The following SLC7A2 variants were observed in gnomAD, a reference collection of about 807,000 sequenced individuals.
The protein encoded by SLC7A2 is cationic amino acid transporter 2.
In SLC7A2, 48 loss-of-function variants were observed where a neutral mutation model predicts 58.9. The observed-to-expected ratio is 0.82, with a 90% CI of 0.65 to 1.04. SLC7A2 has a LOEUF of 1.04. Among genes scored for constraint, SLC7A2 ranks in the 50% least tolerant of loss-of-function variants. SLC7A2 has a pLI of 0.00. For synonymous variants in SLC7A2, 363 were observed against 314.5 expected (o/e 1.15, Z -1.63); for missense variants, 1,029 against 818.8 (o/e 1.26, Z -3.13).
chr8:17,516,232 AAT>A (rs1491472956), intron 2 of SLC7A2, among the ~76,000 whole-genome samples: 1 of 66,332 alleles, frequency 1.5e-5, no homozygotes, highest in Non-Finnish European at 3.8e-5. Flanking sequence ...TTAATTAATT[AAT>A]TTTTTTTTTG....
intron 4 of SLC7A2, among the ~76,000 whole-genome samples, chr8:17,547,767 T>G (rs1802242570): frequency 6.8e-6 from 1 of 147,040 alleles, no homozygotes; most frequent in Non-Finnish European, 1.5e-5. Flanking sequence ...TGAGATTATA[T>G]ATTTACTGGC....
At chr8:17,539,637 G>A (rs1239791635) in intron 2 of SLC7A2, among the ~76,000 whole-genome samples, 2 of 152,128 alleles carry the variant, frequency 1.3e-5, no homozygotes, top group African/African-American at 2.4e-5. Flanking sequence ...TGTGAGTTTT[G>A]TATGGGCCAC....
chr8:17,495,250 AT>A (rs1005463455), upstream of SLC7A2, among the ~76,000 whole-genome samples: 20 of 151,842 alleles, frequency 1.3e-4, no homozygotes, highest in East Asian at 2.3e-3. Context: ...AGGAATCTCT[AT>A]TTTTTTTAAA....
At chr8:17,496,489 G>A (rs557794934), upstream of SLC7A2, among the ~76,000 whole-genome samples, 117 of 152,262 alleles carry the variant, frequency 7.7e-4, 6 homozygotes, top group South Asian at 0.023. Context: ...GAGAAACCCT[G>A]ATTGTGTAAC....
At chr8:17,513,160 T>G (rs532716758) in intron 2 of SLC7A2, among the ~76,000 whole-genome samples, 1 of 152,192 alleles carries the variant, frequency 6.6e-6, no homozygotes, top group African/African-American at 2.4e-5. Context: ...TCAGTTTTTT[T>G]GGTCATATAA....
At position 17,567,079 on chromosome 8, in the gene SLC7A2, A is replaced by T. The variant is rs1170042260; in HGVS notation, c.*1933A>T. The T allele has an allele frequency of 6.6e-6, 1 of 152,638 alleles. No individual in the cohort carries two copies. Among genetic ancestry groups the T allele is most frequent in the Non-Finnish European group, 1.5e-5 (1 of 68,042 alleles). 9.5% of individuals were successfully genotyped at this position (152,638 alleles called of 1,614,324 possible). ...ACACAGAACTCATTACGGACATTCCACAACTTCCAGGGTGCACATGGTAAA... is the reference window on the plus strand; with the variant it reads ...ACACAGAACTCATTACGGACATTCCTCAACTTCCAGGGTGCACATGGTAAA... On this transcript the variant is annotated 3_prime_UTR_variant, in exon 13 of 13. Coordinates refer to ENST00000494857, the MANE Select transcript of SLC7A2 (RefSeq NM_001370338.1).
intron 2 of SLC7A2, among the ~76,000 whole-genome samples, chr8:17,516,880 A>G (rs1800825779): frequency 6.6e-6 from 1 of 152,234 alleles, no homozygotes; most frequent in Non-Finnish European, 1.5e-5. Context: ...GGTATTTGGG[A>G]TAAACCAGTG....
At chr8:17,517,022 G>A (rs1800831161) in intron 2 of SLC7A2, among the ~76,000 whole-genome samples, 2 of 152,194 alleles carry the variant, frequency 1.3e-5, no homozygotes, top group Admixed American at 1.3e-4. Flanking sequence ...TGCAGAAGCA[G>A]GCTTGTGCTG....
intron 7 of SLC7A2, among the ~76,000 whole-genome samples, chr8:17,554,339 C>G (rs564152803): frequency 6.6e-6 from 1 of 152,138 alleles, no homozygotes; most frequent in East Asian, 1.9e-4. Flanking sequence ...GCGTACTTAT[C>G]TGTAACAGAA....
In SLC7A2 at chr8:17,569,515, A is replaced by C. The variant is rs757787384; in HGVS notation, c.*4369A>C. The C allele has an allele frequency of 2.0e-5, 3 of 152,186 alleles. No individual in the cohort carries two copies. The highest frequency in any genetic ancestry group is 4.4e-5 in the Non-Finnish European group (3 of 68,028). 9.4% of individuals were successfully genotyped at this position (152,186 alleles called of 1,614,324 possible). Reference sequence around the variant, plus strand: ...GTCATATAGATATGAAAATAAGTTCATATAGATATGAAATTGCTTGACTTT... The same window carrying C: ...GTCATATAGATATGAAAATAAGTTCCTATAGATATGAAATTGCTTGACTTT... On this transcript the variant is annotated 3_prime_UTR_variant, in exon 13 of 13. Transcript: ENST00000494857.
At chr8:17,536,698 G>A (rs747643112) in intron 2 of SLC7A2, among the ~76,000 whole-genome samples, 1 of 152,144 alleles carries the variant, frequency 6.6e-6, no homozygotes, top group Non-Finnish European at 1.5e-5. Context: ...ATTCTATCAC[G>A]GAAACCTCCT....
In SLC7A2 at chr8:17,569,283, G is replaced by C. The variant is rs1563494534; in HGVS notation, c.*4137G>C. 2 of 152,166 alleles carry C rather than the reference G, an allele frequency of 1.3e-5. No individual in the cohort carries two copies. Among genetic ancestry groups the C allele is most frequent in the Non-Finnish European group, 1.5e-5 (1 of 68,022 alleles). 9.4% of individuals were successfully genotyped at this position (152,166 alleles called of 1,614,324 possible). A position where few individuals can be genotyped will look rare whatever the true frequency, so the allele number is the denominator to read the frequency against. ...AATACAGTTTCCGCAGGGCTTTAAA[G>C]GATTGAGTTTAGCATGTATATCATG... On this transcript the variant is annotated 3_prime_UTR_variant, in exon 13 of 13. Coordinates refer to ENST00000494857, the MANE Select transcript of SLC7A2 (RefSeq NM_001370338.1).
chr8:17,503,292 TG>T, intron 2 of SLC7A2, among the ~76,000 whole-genome samples: 1 of 152,062 alleles, frequency 6.6e-6, no homozygotes, highest in Admixed American at 6.6e-5. Flanking sequence ...CCTCATGATC[TG>T]CCCGCCTCGG....
At position 17,548,825 on chromosome 8, in the gene SLC7A2, A is replaced by C; in HGVS notation, c.680A>C (p.Asn227Thr). 1 of 1,607,396 alleles carries C rather than the reference A, an allele frequency of 6.2e-7. No homozygotes were observed. Among genetic ancestry groups the C allele is most frequent in the Non-Finnish European group, 8.5e-7 (1 of 1,178,586 alleles). ...AAGATTAGTGAAGAGTTTCTCAAAAATATATCAGCAAGTGCCAGGTAAAAT... is the reference window on the plus strand; with the variant it reads ...AAGATTAGTGAAGAGTTTCTCAAAACTATATCAGCAAGTGCCAGGTAAAAT... ...NWKISEEFLK[N>T]ISASAREPPS... The change falls in exon 5 of 13, where the codon AAT (asparagine) becomes ACT (threonine). Residue 227 changes from asparagine to threonine, a missense_variant. Coordinates refer to ENST00000494857, the MANE Select transcript of SLC7A2 (RefSeq NM_001370338.1).
At chr8:17,521,425 A>T (rs1054184307) in intron 2 of SLC7A2, among the ~76,000 whole-genome samples, 1 of 152,212 alleles carries the variant, frequency 6.6e-6, no homozygotes, top group Non-Finnish European at 1.5e-5. Context: ...TTGATACTTA[A>T]TTCTAGGCAC....
Position 17,565,049 on chromosome 8 carries a change from C to T in SLC7A2, c.1880C>T (p.Ala627Val), listed in dbSNP as rs912098140. Residue 627 changes from alanine to valine, a missense_variant, in exon 13 of 13, where the codon GCA becomes GTA. Coordinates refer to ENST00000494857, the MANE Select transcript of SLC7A2 (RefSeq NM_001370338.1). ...EEDAYPDNVHAAAEEKSAIQA... is the reference protein window; with the variant it reads ...EEDAYPDNVHVAAEEKSAIQA... ...GATGCTTATCCAGACAACGTTCATG[C>T]AGCAGCAGAAGAAAAATCTGCCATT... is the stretch of plus-strand genomic sequence containing the variant. 6 of 1,613,516 alleles carry T rather than the reference C, an allele frequency of 3.7e-6. No individual in the cohort carries two copies. The highest frequency in any genetic ancestry group is 1.3e-5 in the African/African-American group (1 of 74,874).
chr8:17,550,206 C>T (rs752482165), intron 5 of SLC7A2, 95 bp from the exon 6 acceptor site: 80 of 1,183,896 alleles, frequency 6.8e-5, no homozygotes, highest in Non-Finnish European at 9.5e-5. Flanking sequence ...AGCTAATAAA[C>T]ACAACCACCT....
At chr8:17,521,700 G>A (rs1027065487) in intron 2 of SLC7A2, among the ~76,000 whole-genome samples, 7 of 152,182 alleles carry the variant, frequency 4.6e-5, no homozygotes, top group Non-Finnish European at 8.8e-5. Flanking sequence ...GGGGTGCTGC[G>A]GTATGCTTGG....
At chr8:17,495,747 A>G (rs1286892871), upstream of SLC7A2, among the ~76,000 whole-genome samples, 2 of 152,202 alleles carry the variant, frequency 1.3e-5, no homozygotes, top group African/African-American at 2.4e-5. Flanking sequence ...ACGGAGTTTC[A>G]CCCTGTTGGC....
Sources: gnomAD v4.1 joint callset for allele counts (sites outside exome capture counted in the v4.1 genomes callset) on GRCh38, gnomAD v4.1.1 for gene constraint, MANE v1.5 for transcripts, NCBI Gene and HGNC (gene_info 2026-07-23, HGNC 2026-07-21) for gene names.